Variants in HDX observed in about 807,000 individuals in gnomAD.
HDX encodes chromosome X open reading frame 43.
HDX carries 19 observed loss-of-function variants against 45.2 expected under a neutral mutation model. The observed-to-expected ratio is 0.42, with a 90% CI of 0.29 to 0.62. The LOEUF (loss-of-function observed/expected upper bound fraction) is 0.62. Ranked by LOEUF, HDX falls within the 20% of genes least tolerant of loss-of-function variation. The pLI, the probability that HDX is intolerant of heterozygous loss-of-function variation, is 0.20. For synonymous variants in HDX, 188 were observed against 172.8 expected (o/e 1.09, Z -0.69); for missense variants, 532 against 493.9 (o/e 1.08, Z -0.73).
At chrX:84,338,672 T>C (rs1428967989) in intron 7 of HDX, among the ~76,000 whole-genome samples, 5 of 110,835 alleles carry the variant, frequency 4.5e-5, no homozygotes, top group Non-Finnish European at 9.5e-5. Flanking sequence ...TGACTGTTTT[T>C]CTCCCCTGCC....
At chrX:84,400,909 T>C in intron 5 of HDX, among the ~76,000 whole-genome samples, 1 of 110,900 alleles carries the variant, frequency 9.0e-6, no homozygotes, top group East Asian at 2.9e-4. Context: ...CACATGTACA[T>C]CCATCTGATC....
Position 84,445,878 on chromosome X carries a change from G to A in HDX, c.1252-5293C>T, listed in dbSNP as rs187473886. Among the ~76,000 whole-genome samples, 71 of 111,457 alleles carry A rather than the reference G, an allele frequency of 6.4e-4. No individual in the cohort carries two copies. The East Asian group carries it at 9.6e-3, about 15-fold the overall frequency. On this transcript the variant is annotated intron_variant, in intron 4 of 10. Coordinates refer to ENST00000373177, the MANE Select transcript of HDX (RefSeq NM_001177479.2). ...GCTTAGAAAACTATTAGCCTGGAAA[G>A]TTCATCTAATTGAAAACCAAAATGC...
chrX:84,420,959 T>C (rs1026800583), intron 5 of HDX, among the ~76,000 whole-genome samples: 1 of 112,031 alleles, frequency 8.9e-6, no homozygotes, highest in Non-Finnish European at 1.9e-5. Context: ...AATAAAGACT[T>C]TCTCAGACAA....
At chrX:84,475,586 G>A (rs1048238554) in intron 2 of HDX, among the ~76,000 whole-genome samples, 189 bp from the exon 3 acceptor site, 10 of 111,665 alleles carry the variant, frequency 9.0e-5, no homozygotes, top group African/African-American at 2.9e-4. Flanking sequence ...AATATGCATA[G>A]TGCAAACACT....
chrX:84,344,588 A>C (rs186628844), intron 6 of HDX, 131 bp from the exon 7 acceptor site: 1 of 416,114 alleles, frequency 2.4e-6, no homozygotes, highest in East Asian at 3.9e-5. Flanking sequence ...AAAGGTAAAA[A>C]CTTTTATGTC....
At chrX:84,451,793 A>C in intron 4 of HDX, among the ~76,000 whole-genome samples, 1 of 111,803 alleles carries the variant, frequency 8.9e-6, no homozygotes, top group Middle Eastern at 4.6e-3. Flanking sequence ...TTCTAGCAGA[A>C]TGAATTCAAC....
chrX:84,333,880 A>G (rs753417357), intron 8 of HDX, 38 bp from the exon 9 acceptor site: 1 of 570,357 alleles, frequency 1.8e-6, no homozygotes, highest in Non-Finnish European at 2.9e-6. Flanking sequence ...TATATATCAC[A>G]TCATTCTTAC....
intron 2 of HDX, among the ~76,000 whole-genome samples, chrX:84,480,633 T>C (rs2040658277): frequency 9.0e-6 from 1 of 111,705 alleles, no homozygotes; most frequent in African/African-American, 3.2e-5. Context: ...TGTATAGTTT[T>C]TATTCTTTAA....
intron 4 of HDX, among the ~76,000 whole-genome samples, chrX:84,450,041 C>T (rs771355902): frequency 1.8e-5 from 2 of 110,008 alleles, no homozygotes; most frequent in South Asian, 7.8e-4. Flanking sequence ...ACCAACATGG[C>T]ACATGTATAC....
At chrX:84,340,646 A>T (rs1886070474) in intron 7 of HDX, among the ~76,000 whole-genome samples, 1 of 111,463 alleles carries the variant, frequency 9.0e-6, no homozygotes, top group African/African-American at 3.3e-5. Flanking sequence ...GAATCGTATT[A>T]GTATTCTCCA....
At chrX:84,412,414 T>G (rs1272155211) in intron 5 of HDX, among the ~76,000 whole-genome samples, 1 of 111,756 alleles carries the variant, frequency 8.9e-6, no homozygotes, top group Non-Finnish European at 1.9e-5. Context: ...CCTCTTCAAT[T>G]TTGAATCCTA....
chrX:84,366,732 A>G lies in HDX; in HGVS notation c.1306-5120T>C, dbSNP rs188709507. On this transcript the variant is annotated intron_variant, in intron 5 of 10. Transcript: ENST00000373177. ...AACTTGACAAAAACAAGCAATGGGG[A>G]GCAACCCCATTAAACAAGCAACACC... 8.4e-3 allele frequency among the ~76,000 whole-genome samples: 942 copies of G among 111,619 alleles called. 3 individuals carry two copies. The highest frequency in any genetic ancestry group is 0.014 in the Non-Finnish European group (726 of 53,125).
chrX:84,373,275 T>C (rs2037945879), intron 5 of HDX, among the ~76,000 whole-genome samples: 1 of 111,161 alleles, frequency 9.0e-6, no homozygotes, highest in Non-Finnish European at 1.9e-5. Context: ...CTTCTATCCA[T>C]GTATGGAAAC....
At chrX:84,401,609 G>A (rs1303623938) in intron 5 of HDX, among the ~76,000 whole-genome samples, 1 of 111,619 alleles carries the variant, frequency 9.0e-6, no homozygotes, top group South Asian at 3.8e-4. Flanking sequence ...CTGTTGGTGG[G>A]TTTGCTAATT....
intron 5 of HDX, among the ~76,000 whole-genome samples, chrX:84,394,691 C>T (rs1456646994): frequency 1.8e-5 from 2 of 110,995 alleles, no homozygotes; most frequent in Non-Finnish European, 3.8e-5. Flanking sequence ...GCTTGATGCA[C>T]ATATGTTTAG....
intron 4 of HDX, among the ~76,000 whole-genome samples, chrX:84,461,593 A>G (rs904228397): frequency 2.7e-5 from 3 of 111,668 alleles, no homozygotes; most frequent in African/African-American, 9.8e-5. Context: ...AATCTCCAGG[A>G]CACTGCACTT....
intron 2 of HDX, among the ~76,000 whole-genome samples, chrX:84,484,678 G>A (rs140024465): frequency 0.014 from 1,586 of 111,575 alleles, 11 homozygotes; most frequent in Non-Finnish European, 0.022. Flanking sequence ...CCACATTCTC[G>A]CCAACATCTA....
At chrX:84,360,500 G>A (rs1401628642) in intron 6 of HDX, among the ~76,000 whole-genome samples, 3 of 111,304 alleles carry the variant, frequency 2.7e-5, no homozygotes, top group Non-Finnish European at 3.8e-5. Context: ...CTGTGCACCA[G>A]TCACCACTAA....
chrX:84,408,815 T>C (rs1378659963), intron 5 of HDX, among the ~76,000 whole-genome samples: 1 of 110,302 alleles, frequency 9.1e-6, no homozygotes, highest in Non-Finnish European at 1.9e-5. Context: ...ATTTTAATCA[T>C]TTTCTGGATA....
Sources: allele counts gnomAD v4.1 joint callset (sites outside exome capture counted in the v4.1 genomes callset), GRCh38; gene constraint gnomAD v4.1.1; transcripts MANE v1.5; gene names NCBI Gene and HGNC (gene_info 2026-07-23, HGNC 2026-07-21).